The following MCC variants were observed in gnomAD, a reference collection of about 807,000 sequenced individuals.
MCC encodes the protein MCC regulator of Wnt signaling pathway.
A neutral mutation model predicts 116.2 loss-of-function variants in MCC; 90 were observed. The ratio of observed to expected loss-of-function variants is 0.77; its 90% CI spans 0.65 to 0.92. The LOEUF (loss-of-function observed/expected upper bound fraction) is 0.92, where lower values mean the gene tolerates loss of function less well. Ranked by LOEUF, MCC falls within the 40% of genes least tolerant of loss-of-function variation. The pLI is 0.00. For synonymous variants in MCC, 578 were observed against 510.5 expected (o/e 1.13, Z -1.78); for missense variants, 1,516 against 1,312.2 (o/e 1.16, Z -2.40).
Position 113,334,842 on chromosome 5 carries a change from C to T in MCC, c.627+5677G>A, listed in dbSNP as rs528693415. On this transcript the variant is annotated intron_variant, in intron 3 of 18. Coordinates refer to ENST00000408903, the MANE Select transcript of MCC (RefSeq NM_001085377.2). ...CTGACCTTAGGTGATCTGCCTGTCT[C>T]GGCCTCCCAAAGTGCTGGCATTACA... 2.7e-5 allele frequency among the ~76,000 whole-genome samples: 4 copies of T among 149,858 alleles called. No homozygotes were observed. In the South Asian group the frequency reaches 6.3e-4, roughly 24 times the overall value.
At chr5:113,065,103 A>G (rs75859990) in intron 13 of MCC, among the ~76,000 whole-genome samples, 14 of 152,178 alleles carry the variant, frequency 9.2e-5, no homozygotes, top group Non-Finnish European at 1.5e-5. Context: ...ACTCTGTATG[A>G]TACTGTAACC....
chr5:113,202,010 T>C (rs535167905), intron 3 of MCC, among the ~76,000 whole-genome samples: 11 of 152,246 alleles, frequency 7.2e-5, no homozygotes, highest in Admixed American at 1.3e-4. Context: ...CAGTTTTTAC[T>C]GGCTGCCAGC....
At chr5:113,275,350 A>G (rs922896980) in intron 3 of MCC, among the ~76,000 whole-genome samples, 3 of 152,362 alleles carry the variant, frequency 2.0e-5, no homozygotes, top group Non-Finnish European at 2.9e-5. Flanking sequence ...GTACACTTGT[A>G]GTTAGCAACA....
At chr5:113,138,741 G>C (rs527558366) in intron 5 of MCC, among the ~76,000 whole-genome samples, 1 of 152,292 alleles carries the variant, frequency 6.6e-6, no homozygotes, top group South Asian at 2.1e-4. Context: ...CATCAGTTTA[G>C]ATTCAATGTC....
At chr5:113,428,964 A>G (rs1170891880) in intron 1 of MCC, among the ~76,000 whole-genome samples, 1 of 152,206 alleles carries the variant, frequency 6.6e-6, no homozygotes, top group East Asian at 1.9e-4. Context: ...TCTAGCTAAT[A>G]ACCTAGACCT....
At chr5:113,146,180 T>C (rs1360114769) in intron 4 of MCC, among the ~76,000 whole-genome samples, 3 of 152,180 alleles carry the variant, frequency 2.0e-5, no homozygotes, top group Admixed American at 2.0e-4. Flanking sequence ...AGATCAGACA[T>C]TTCTTAAATG....
chr5:113,391,973 A>T (rs1769413958), intron 1 of MCC, among the ~76,000 whole-genome samples: 1 of 152,236 alleles, frequency 6.6e-6, no homozygotes, highest in South Asian at 2.1e-4. Context: ...CAAATTTTAA[A>T]AAACCAAATA....
chr5:113,034,940 T>C (rs979556065), intron 17 of MCC, among the ~76,000 whole-genome samples: 1 of 152,140 alleles, frequency 6.6e-6, no homozygotes, highest in East Asian at 1.9e-4. Flanking sequence ...GGGTGTTGTT[T>C]AGGACTTGGG....
intron 3 of MCC, among the ~76,000 whole-genome samples, chr5:113,255,259 C>T (rs78800464): frequency 6.6e-6 from 1 of 152,148 alleles, no homozygotes; most frequent in East Asian, 1.9e-4. Flanking sequence ...CCAAAGTCCT[C>T]GAGGAGGTTT....
intron 5 of MCC, among the ~76,000 whole-genome samples, chr5:113,130,296 T>A (rs1434750401): frequency 6.6e-6 from 1 of 151,950 alleles, no homozygotes; most frequent in Admixed American, 6.6e-5. Flanking sequence ...TGAGAACATA[T>A]GGGCACAGGG....
chr5:113,434,592 T>C lies in MCC; in HGVS notation c.171-49380A>G. On this transcript the variant is annotated intron_variant, in intron 1 of 18. Transcript: ENST00000408903. This position sits in a 1 kb window ranked among gnomAD's most constrained non-coding sequence, Gnocchi z 4.2. ...CTCCATGACGATGTAGACCTTGCCA[T>C]GTGATGTCTCAAAGATCTCGTAGGT... The C allele has an allele frequency of 6.2e-7, 1 of 1,613,868 alleles. No individual in the cohort carries two copies. Among genetic ancestry groups the C allele is most frequent in the Non-Finnish European group, 8.5e-7 (1 of 1,179,862 alleles).
At chr5:113,057,940 G>A (rs1393220509) in intron 14 of MCC, among the ~76,000 whole-genome samples, 1 of 152,242 alleles carries the variant, frequency 6.6e-6, no homozygotes, top group Non-Finnish European at 1.5e-5. Flanking sequence ...CTGGCAGACA[G>A]CAGCACTTCT....
At chr5:113,407,291 A>T in intron 1 of MCC, among the ~76,000 whole-genome samples, 1 of 152,230 alleles carries the variant, frequency 6.6e-6, no homozygotes, top group East Asian at 1.9e-4. Flanking sequence ...ATGTTAAAAA[A>T]TGAAAACACT....
At chr5:113,221,278 T>C (rs898500006) in intron 3 of MCC, among the ~76,000 whole-genome samples, 3 of 152,234 alleles carry the variant, frequency 2.0e-5, no homozygotes, top group Non-Finnish European at 4.4e-5. Flanking sequence ...AAACCACGTT[T>C]GCAAAAATTG....
chr5:113,145,779 CACACAAACACACACACACACACACACA>C lies in MCC; in HGVS notation c.742-2446_742-2420del, dbSNP rs1184886586. 8.7e-4 allele frequency among the ~76,000 whole-genome samples: 12 copies of C among 13,800 alleles called. No individual in the cohort carries two copies. The East Asian group carries it at 0.077, about 88-fold the overall frequency. 9.1% of individuals were successfully genotyped at this position (13,800 alleles called of 152,430 possible). On this transcript the variant is annotated intron_variant, in intron 4 of 18. Transcript: ENST00000408903. ...ACACACACACACACACACACACACA[CACACAAACACACACACACACACACACA>C]AAAGACCCTGTGGGGCTGCCCAGGA...
chr5:113,184,109 T>C (rs1363403361), intron 3 of MCC, among the ~76,000 whole-genome samples: 2 of 152,216 alleles, frequency 1.3e-5, no homozygotes, highest in African/African-American at 2.4e-5. Context: ...AACTGTAATC[T>C]CTTAACATTA....
intron 1 of MCC, chr5:113,432,717 T>C (rs1044514207): frequency 1.5e-4 from 23 of 152,220 alleles, no homozygotes; most frequent in African/African-American, 5.1e-4. Flanking sequence ...GATTCGTTTG[T>C]CCATTAATTG....
At chr5:113,363,895 C>A (rs1392990287) in intron 2 of MCC, among the ~76,000 whole-genome samples, 1 of 152,098 alleles carries the variant, frequency 6.6e-6, no homozygotes, top group Admixed American at 6.5e-5. Flanking sequence ...GTAGTACAAG[C>A]ACTAGGTAAA....
intron 3 of MCC, among the ~76,000 whole-genome samples, chr5:113,270,973 T>C (rs1040734138): frequency 4.6e-5 from 7 of 152,072 alleles, no homozygotes; most frequent in Admixed American, 4.6e-4. Context: ...AATTTAACAT[T>C]TTGCTAAGAC....
Sources: allele counts gnomAD v4.1 joint callset (sites outside exome capture counted in the v4.1 genomes callset), GRCh38; gene constraint gnomAD v4.1.1; non-coding constraint Gnocchi (gnomAD v3.1); transcripts MANE v1.5; gene names NCBI Gene and HGNC (gene_info 2026-07-23, HGNC 2026-07-21).